MMP17: variants seen among roughly 807,000 people sequenced by gnomAD.
MMP17 encodes matrix metalloproteinase-17.
In MMP17, 54 loss-of-function variants were observed where a neutral mutation model predicts 49.1. The ratio of observed to expected loss-of-function variants is 1.10; its 90% CI spans 0.88 to 1.38. The LOEUF is 1.38. Among genes scored for constraint, MMP17 ranks in the 40% most tolerant of loss-of-function variants. The pLI is 0.00. For missense variants in MMP17, 837 were observed against 853.7 expected, an observed-to-expected ratio of 0.98 and a Z score of 0.24; for synonymous variants, 397 against 383.1, an observed-to-expected ratio of 1.04 and a Z score of -0.42.
Position 131,851,067 on chromosome 12 carries a change from C to G in MMP17, c.1605C>G (p.Gly535=). The change falls in exon 10 of 10, where the codon GGC becomes GGG. Residue 535 remains glycine (G), a synonymous_variant. Transcript: ENST00000360564. ...AGGCCGATGGATCTGTGGCTGCGGG[C>G]GTGGACGCGGCAGAGGGGCCCCGCG... ...DSQADGSVAA[G]VDAAEGPRAP... 1 of 1,607,326 alleles carries G rather than the reference C, an allele frequency of 6.2e-7. No homozygotes were observed. Among genetic ancestry groups the G allele is most frequent in the Non-Finnish European group, 8.5e-7 (1 of 1,177,332 alleles).
intron 1 of MMP17, among the ~76,000 whole-genome samples, chr12:131,834,392 G>C (rs1886971482): frequency 6.6e-6 from 1 of 152,204 alleles, no homozygotes; most frequent in South Asian, 2.1e-4. Context: ...GGAGACAGCG[G>C]TCTCCGTGGC....
intron 6 of MMP17, 103 bp downstream of exon 6, chr12:131,844,184 G>A (rs1039442497): frequency 2.6e-5 from 25 of 966,380 alleles, no homozygotes; most frequent in Middle Eastern, 2.4e-4. Context: ...CCTGGGAAAC[G>A]CACAGCTGTG....
chr12:131,840,279 C>T (rs930789356), intron 3 of MMP17: 10 of 363,764 alleles, frequency 2.7e-5, no homozygotes, highest in South Asian at 1.2e-4. Flanking sequence ...GCAGACGGGA[C>T]GCACCGTTGA....
intron 4 of MMP17, among the ~76,000 whole-genome samples, chr12:131,841,397 C>T (rs534797259): frequency 8.5e-5 from 13 of 152,318 alleles, no homozygotes; most frequent in African/African-American, 1.2e-4. Context: ...GGTTATCAGC[C>T]GCTCCATGAA....
In MMP17 at chr12:131,850,056, G is replaced by T; in HGVS notation, c.1459G>T (p.Asp487Tyr). 6.2e-7 allele frequency: 1 copy of T among 1,607,852 alleles called. No homozygotes were observed. Among genetic ancestry groups the T allele is most frequent in the Non-Finnish European group, 8.5e-7 (1 of 1,176,942 alleles). Residue 487 changes from aspartate to tyrosine, a missense_variant, in exon 9 of 10, where the codon GAC becomes TAC. By Grantham distance (160) the Asp-to-Tyr change is radical (BLOSUM62 -3). Transcript: ENST00000360564. The stretch of plus-strand genomic sequence containing the variant: ...GCTGGACGACGCCATGCGCTGGTCC[G>T]ACGGTGAGTGCCAGCTGGGGGGACG... The part of the protein sequence containing the change: ...STLDDAMRWS[D>Y]GASYFFRGQE...
chr12:131,848,141 A>G (rs1349872205), intron 8 of MMP17, among the ~76,000 whole-genome samples: 1 of 152,118 alleles, frequency 6.6e-6, no homozygotes, highest in African/African-American at 2.4e-5. Context: ...GCTGCAGTGC[A>G]GTGGTGTGAT....
chr12:131,840,440 G>GTA, intron 3 of MMP17, 133 bp from the exon 4 acceptor site: 1 of 920,342 alleles, frequency 1.1e-6, no homozygotes, highest in South Asian at 1.7e-5. Flanking sequence ...CTCCTGGCGT[G>GTA]GGGAGGAAGG....
chr12:131,847,925 C>T (rs763755125), intron 8 of MMP17, among the ~76,000 whole-genome samples: 7 of 152,328 alleles, frequency 4.6e-5, no homozygotes, highest in Non-Finnish European at 7.4e-5. Flanking sequence ...CCCTACCAGG[C>T]GCATCTGTCC....
chr12:131,835,023 G>A (rs945213980), intron 1 of MMP17, among the ~76,000 whole-genome samples: 3 of 152,182 alleles, frequency 2.0e-5, no homozygotes, highest in Admixed American at 2.0e-4. Flanking sequence ...CCCGAAGGCT[G>A]GTGGCTCCCA....
chr12:131,849,082 C>T (rs903510914), intron 8 of MMP17, among the ~76,000 whole-genome samples: 6 of 152,216 alleles, frequency 3.9e-5, no homozygotes, highest in Admixed American at 1.3e-4. Flanking sequence ...TGACTTTCCA[C>T]GTTCTTGACA....
At chr12:131,837,920 T>C (rs1703623097) in intron 1 of MMP17, 1 of 292,008 alleles carries the variant, frequency 3.4e-6, no homozygotes. Context: ...CCATATTAGC[T>C]AGGATGGTCT....
rs768259935 is a variant in MMP17 at position 131,841,715 on chromosome 12, G to A, written c.798G>A (p.Met266Ile). The change falls in exon 5 of 10, where the codon ATG (methionine) becomes ATA (isoleucine). Residue 266 changes from methionine to isoleucine, a missense_variant. Met to Ile is a conservative substitution (Grantham distance 10). Coordinates refer to ENST00000360564, the MANE Select transcript of MMP17 (RefSeq NM_016155.7). ...LSHVAAAHSI[M>I]RPYYQGPVGD... ...ATGTGGCCGCTGCACACTCCATCAT[G>A]CGGCCGTACTACCAGGGCCCGGTGG... The A allele has an allele frequency of 1.2e-6, 2 of 1,613,882 alleles. No individual in the cohort carries two copies. The highest frequency in any genetic ancestry group is 1.7e-4 in the Middle Eastern group (1 of 6,018).
At chr12:131,839,476 C>T (rs1046920544) in intron 3 of MMP17, among the ~76,000 whole-genome samples, 7 of 152,030 alleles carry the variant, frequency 4.6e-5, no homozygotes, top group African/African-American at 1.7e-4. Context: ...CCACACCCAG[C>T]TAATTTTTTT....
rs553729926 is a variant in MMP17, at chr12:131,843,398, A to G, written c.884-599A>G. Among the ~76,000 whole-genome samples, 7 of 150,382 alleles carry G rather than the reference A, an allele frequency of 4.7e-5. No homozygotes were observed. In the East Asian group the frequency reaches 1.4e-3, roughly 30 times the overall value. ...ACAGCTGGGACTACAGGCATGCACTATCACACCTGGCTAATTTTTAGATTT... is the reference window on the plus strand; with the variant it reads ...ACAGCTGGGACTACAGGCATGCACTGTCACACCTGGCTAATTTTTAGATTT... On this transcript the variant is annotated intron_variant, in intron 5 of 9. Coordinates refer to ENST00000360564, the MANE Select transcript of MMP17 (RefSeq NM_016155.7).
intron 8 of MMP17, among the ~76,000 whole-genome samples, chr12:131,845,765 A>G (rs997757464): frequency 5.9e-5 from 9 of 152,158 alleles, no homozygotes; most frequent in African/African-American, 2.2e-4. Context: ...GAAATGAAGG[A>G]CAATGGGGAG....
At chr12:131,834,819 G>T (rs1463634529) in intron 1 of MMP17, among the ~76,000 whole-genome samples, 1 of 152,078 alleles carries the variant, frequency 6.6e-6, no homozygotes, top group Non-Finnish European at 1.5e-5. Flanking sequence ...CCCTAGCCAG[G>T]AATCAGCCGC....
At chr12:131,836,245 C>T (rs958305128) in intron 1 of MMP17, among the ~76,000 whole-genome samples, 1 of 152,088 alleles carries the variant, frequency 6.6e-6, no homozygotes, top group African/African-American at 2.4e-5. Context: ...AGGGGGATCT[C>T]GGGGTGTGCA....
intron 1 of MMP17, among the ~76,000 whole-genome samples, chr12:131,831,808 G>C (rs1237992899): frequency 1.7e-5 from 2 of 116,348 alleles, no homozygotes; most frequent in African/African-American, 3.5e-5. Context: ...GGACAGGAAG[G>C]GGGAAGGCTG....
intron 1 of MMP17, among the ~76,000 whole-genome samples, chr12:131,834,614 G>C (rs202033183): frequency 4.6e-5 from 7 of 152,114 alleles, no homozygotes; most frequent in Non-Finnish European, 8.8e-5. Context: ...CTGTGGGTGG[G>C]AGTGGGTCAG....
Sources: allele counts gnomAD v4.1 joint callset (sites outside exome capture counted in the v4.1 genomes callset), GRCh38; gene constraint gnomAD v4.1.1; transcripts MANE v1.5; gene names NCBI Gene and HGNC (gene_info 2026-07-23, HGNC 2026-07-21).